The following ADCY3 variants were observed in gnomAD, a reference collection of about 807,000 sequenced individuals.
The protein encoded by ADCY3 is adenylate cyclase type 3.
Under a neutral mutation model 119.4 loss-of-function variants are expected in ADCY3, and 70 were observed. That is an observed-to-expected ratio of 0.59 (90% confidence interval 0.48 to 0.72). The LOEUF (loss-of-function observed/expected upper bound fraction) is 0.72. ADCY3 is among the 30% of genes least tolerant of loss of function. ADCY3 has a pLI of 0.00. For synonymous variants in ADCY3, 672 were observed against 621.4 expected (o/e 1.08, Z -1.21); for missense variants, 1,238 against 1,541.6 (o/e 0.80, Z 3.30).
chr2:24,820,223 C>T, intron 21 of ADCY3, 109 bp from the exon 22 acceptor site: 1 of 1,198,568 alleles, frequency 8.3e-7, no homozygotes, highest in Non-Finnish European at 1.1e-6. Context: ...GGGTCCCAAG[C>T]AGTACGGGAC....
chr2:24,842,197 G>T lies in ADCY3; in HGVS notation c.956+57C>A. On this transcript the variant is annotated intron_variant, in intron 4 of 21. Coordinates refer to ENST00000679454, the MANE Select transcript of ADCY3 (RefSeq NM_004036.5). This position sits in a 1 kb window ranked among gnomAD's most constrained non-coding sequence, Gnocchi z 4.9. ...CACAGCACCTAGCGGGTCCCACAAAGATGCAGCCCTCCACAGCCTGCTCTG... is the reference window on the plus strand; with the variant it reads ...CACAGCACCTAGCGGGTCCCACAAATATGCAGCCCTCCACAGCCTGCTCTG... 6.2e-7 allele frequency: 1 copy of T among 1,608,708 alleles called. No individual in the cohort carries two copies. Among genetic ancestry groups the T allele is most frequent in the Non-Finnish European group, 8.5e-7 (1 of 1,178,116 alleles).
At chr2:24,913,957 G>A (rs556687040) in intron 2 of ADCY3, among the ~76,000 whole-genome samples, 68 of 116,278 alleles carry the variant, frequency 5.8e-4, no homozygotes, top group African/African-American at 1.9e-3. Context: ...GGCACGCCCC[G>A]CCCACCACCA....
intron 3 of ADCY3, among the ~76,000 whole-genome samples, chr2:24,866,795 T>G (rs1674368983): frequency 6.6e-6 from 1 of 152,068 alleles, no homozygotes; most frequent in South Asian, 2.1e-4. Context: ...TAATTGAAAT[T>G]GATGACTCAA....
chr2:24,888,441 C>T (rs1032970506), intron 2 of ADCY3, among the ~76,000 whole-genome samples: 3 of 152,336 alleles, frequency 2.0e-5, no homozygotes, highest in Admixed American at 1.3e-4. Flanking sequence ...CTGAACTGAC[C>T]GACTACCTCC....
At chr2:24,825,349 T>G (rs1379368033) in intron 16 of ADCY3, among the ~76,000 whole-genome samples, 863 of 80,632 alleles carry the variant, frequency 0.011, 17 homozygotes, top group Middle Eastern at 0.025. Context: ...GGGGGGGGGG[T>G]GCGGGGGGGG....
intron 19 of ADCY3, chr2:24,821,978 C>T: frequency 3.6e-6 from 1 of 274,222 alleles, no homozygotes. Context: ...AGGTGATAAG[C>T]ACTGGAGGGG....
At chr2:24,869,384 C>A (rs1287169645) in intron 3 of ADCY3, among the ~76,000 whole-genome samples, 1 of 146,326 alleles carries the variant, frequency 6.8e-6, no homozygotes, top group East Asian at 2.1e-4. Context: ...TATAGGACTT[C>A]TTCATTAGGG....
chr2:24,901,259 A>G (rs529492355), intron 2 of ADCY3, among the ~76,000 whole-genome samples: 15 of 152,324 alleles, frequency 9.8e-5, no homozygotes, highest in East Asian at 1.9e-4. Context: ...CTCTCTAGGA[A>G]GGCCATGCAT....
chr2:24,892,762 C>T (rs910247999), intron 2 of ADCY3, among the ~76,000 whole-genome samples: 4 of 152,158 alleles, frequency 2.6e-5, no homozygotes, highest in Non-Finnish European at 5.9e-5. Context: ...CCTCGCTATC[C>T]CTGATAATAT....
At chr2:24,885,654 T>C (rs2148901588) in intron 2 of ADCY3, among the ~76,000 whole-genome samples, 1 of 152,320 alleles carries the variant, frequency 6.6e-6, no homozygotes, top group South Asian at 2.1e-4. Flanking sequence ...CCCACAGGGC[T>C]GGGGACAGAC....
At chr2:24,863,754 G>A (rs1489339693) in intron 3 of ADCY3, among the ~76,000 whole-genome samples, 1 of 152,180 alleles carries the variant, frequency 6.6e-6, no homozygotes, top group Non-Finnish European at 1.5e-5. Context: ...AGAAAGCAAA[G>A]GAACTCTTCC....
chr2:24,853,299 G>C (rs74410950), intron 3 of ADCY3, among the ~76,000 whole-genome samples: 10,456 of 152,218 alleles, frequency 0.069, 440 homozygotes, highest in East Asian at 0.095. Context: ...GATGGCACAG[G>C]ACCCCACTGT....
chr2:24,826,944 C>A (rs977254082), intron 15 of ADCY3, among the ~76,000 whole-genome samples: 1 of 152,160 alleles, frequency 6.6e-6, no homozygotes, highest in Non-Finnish European at 1.5e-5. Context: ...TGGACCGGTA[C>A]GTGTGTGATG....
intron 7 of ADCY3, chr2:24,838,940 AAT>A (rs1558433441): frequency 1.4e-6 from 2 of 1,405,934 alleles, no homozygotes; most frequent in South Asian, 1.2e-5. Context: ...TGCGATAAGG[AAT>A]TTTTTTTTTT....
chr2:24,829,260 G>A (rs1241171126), intron 13 of ADCY3, among the ~76,000 whole-genome samples: 2 of 151,512 alleles, frequency 1.3e-5, no homozygotes, highest in Admixed American at 1.3e-4. Flanking sequence ...CAAGTGATCT[G>A]CCTGCCTCAG....
chr2:24,820,676 G>C lies in ADCY3; in HGVS notation c.3252+48C>G, dbSNP rs767147375. 6.2e-6 allele frequency: 10 copies of C among 1,610,792 alleles called. No homozygotes were observed. The South Asian group carries it at 1.1e-4, about 18-fold the overall frequency. On this transcript the variant is annotated intron_variant, in intron 21 of 21. Transcript: ENST00000679454. ...CGTGGGAAAGCACTGTTCCGGTTTTGTTCTCATGCCGAGTCTGAGCACGTG... is the reference window on the plus strand; with the variant it reads ...CGTGGGAAAGCACTGTTCCGGTTTTCTTCTCATGCCGAGTCTGAGCACGTG...
At chr2:24,905,468 A>G (rs900354518) in intron 2 of ADCY3, among the ~76,000 whole-genome samples, 2 of 152,220 alleles carry the variant, frequency 1.3e-5, no homozygotes, top group African/African-American at 2.4e-5. Flanking sequence ...ATTGTCTAGG[A>G]AAGTTGAATA....
chr2:24,912,565 G>A (rs981785233), intron 2 of ADCY3, among the ~76,000 whole-genome samples: 5 of 67,714 alleles, frequency 7.4e-5, no homozygotes, highest in African/African-American at 4.6e-4. Context: ...GTGTGTGTGT[G>A]TGCATGTGTG....
At chr2:24,853,470 T>C (rs924834969) in intron 3 of ADCY3, among the ~76,000 whole-genome samples, 36 of 113,682 alleles carry the variant, frequency 3.2e-4, no homozygotes, top group African/African-American at 1.2e-3. Flanking sequence ...GCCTCATCTT[T>C]TTTTTTTTTT....
Sources: gnomAD v4.1 joint callset for allele counts (sites outside exome capture counted in the v4.1 genomes callset) on GRCh38, gnomAD v4.1.1 for gene constraint, Gnocchi (gnomAD v3.1) non-coding constraint, MANE v1.5 for transcripts, NCBI Gene and HGNC (gene_info 2026-07-23, HGNC 2026-07-21) for gene names.